SPON1: variants seen among roughly 807,000 people sequenced by gnomAD.
SPON1 encodes spondin-1.
SPON1 carries 52 observed loss-of-function variants against 111.7 expected under a neutral mutation model. The ratio of observed to expected loss-of-function variants is 0.47; its 90% confidence interval spans 0.37 to 0.59. The LOEUF is 0.59. SPON1 is among the 20% of genes least tolerant of loss of function. The probability of loss-of-function intolerance (pLI) is 0.00; values close to 1 mark genes in which losing one functional copy is unlikely to be tolerated. For synonymous variants in SPON1, 410 were observed against 395.8 expected, an observed-to-expected ratio of 1.04 and a Z score of -0.43; for missense variants, 957 against 1,068.5, an observed-to-expected ratio of 0.90 and a Z score of 1.46.
At chr11:13,979,666 C>A (rs1249615827) in intron 1 of SPON1, among the ~76,000 whole-genome samples, 1 of 152,212 alleles carries the variant, frequency 6.6e-6, no homozygotes, top group Non-Finnish European at 1.5e-5. Context: ...CTGGACCTTT[C>A]ATCTTAGGCA....
chr11:14,209,707 T>C (rs1256162807), intron 6 of SPON1, among the ~76,000 whole-genome samples: 1 of 152,238 alleles, frequency 6.6e-6, no homozygotes, highest in Non-Finnish European at 1.5e-5. Context: ...TCATAAATAG[T>C]GCTGCAATAA....
rs950200017 is a variant in SPON1 at position 14,260,852 on chromosome 11, T to C, written c.1996+100T>C. On this transcript the variant is annotated intron_variant, in intron 14 of 15. Transcript: ENST00000576479. ...AATACTGCTAGATCCTAGAATAACA[T>C]GGTTTGCTGGGGAAGAGTTTGGGGT... 33 of 1,330,358 alleles carry C rather than the reference T, an allele frequency of 2.5e-5. No individual in the cohort carries two copies. The South Asian group carries it at 3.0e-4, about 12-fold the overall frequency. 82.4% of individuals were successfully genotyped at this position (1,330,358 alleles called of 1,614,324 possible).
rs560380019 is a variant in SPON1 at position 14,164,783 on chromosome 11, G to A, written c.825+29215G>A. Among the ~76,000 whole-genome samples, 526 of 152,230 alleles carry A rather than the reference G, an allele frequency of 3.5e-3. 1 individual carries two copies. The highest frequency in any genetic ancestry group is 0.012 in the African/African-American group (499 of 41,526). ...GCAGAGATTTTAAGGATAACTTGGT[G>A]GGTGGGGGGAAGCTAGTGAGCCAGG... On this transcript the variant is annotated intron_variant, in intron 6 of 15. Transcript: ENST00000576479.
chr11:13,984,439 G>A (rs1554910077), intron 2 of SPON1, among the ~76,000 whole-genome samples: 2 of 152,136 alleles, frequency 1.3e-5, no homozygotes, highest in African/African-American at 4.8e-5. Flanking sequence ...TGCATCTTAT[G>A]AGGGCCTTCT....
chr11:14,244,246 C>T (rs1215509986), intron 7 of SPON1, among the ~76,000 whole-genome samples: 2 of 152,110 alleles, frequency 1.3e-5, no homozygotes, highest in South Asian at 2.1e-4. Flanking sequence ...ACCGGCCAGG[C>T]GCAGTGGCTT....
chr11:14,175,528 G>A (rs1848165396), intron 6 of SPON1, among the ~76,000 whole-genome samples: 2 of 152,110 alleles, frequency 1.3e-5, no homozygotes, highest in South Asian at 4.1e-4. Flanking sequence ...AACACAGAAA[G>A]ACAAATTCTT....
At chr11:13,990,984 T>C (rs1348381348) in intron 2 of SPON1, among the ~76,000 whole-genome samples, 1 of 152,156 alleles carries the variant, frequency 6.6e-6, no homozygotes, top group Non-Finnish European at 1.5e-5. Context: ...ACATGACCTT[T>C]CTCTCTGGCT....
At chr11:14,250,439 C>A (rs1849041241) in intron 7 of SPON1, among the ~76,000 whole-genome samples, 1 of 151,112 alleles carries the variant, frequency 6.6e-6, no homozygotes, top group Admixed American at 6.6e-5. Context: ...CTTAGCCCAA[C>A]CCCACTTGTC....
chr11:14,079,293 A>G (rs1220280838), intron 4 of SPON1, among the ~76,000 whole-genome samples: 1 of 152,206 alleles, frequency 6.6e-6, no homozygotes, highest in Non-Finnish European at 1.5e-5. Flanking sequence ...ACCTGAGCTT[A>G]TGAACACATT....
At chr11:14,053,434 C>T (rs1433561546) in intron 3 of SPON1, among the ~76,000 whole-genome samples, 1 of 152,076 alleles carries the variant, frequency 6.6e-6, no homozygotes, top group Non-Finnish European at 1.5e-5. Context: ...TTTCACTTAA[C>T]ATAATGTTTT....
intron 6 of SPON1, among the ~76,000 whole-genome samples, chr11:14,161,067 CTATAATTTT>C (rs1326577903): frequency 7.7e-4 from 12 of 15,608 alleles, no homozygotes; most frequent in South Asian, 1.7e-3. Context: ...TTATATATAT[CTATAATTTT>C]TATATATTTA....
intron 3 of SPON1, among the ~76,000 whole-genome samples, chr11:14,057,248 A>C (rs544876232): frequency 6.6e-6 from 1 of 152,320 alleles, no homozygotes; most frequent in South Asian, 2.1e-4. Context: ...TGAGAAGAAA[A>C]CGACACAGTG....
intron 6 of SPON1, among the ~76,000 whole-genome samples, chr11:14,206,506 G>A (rs1848518588): frequency 6.6e-6 from 1 of 152,080 alleles, no homozygotes; most frequent in South Asian, 2.1e-4. Context: ...ATTTATTTAG[G>A]TCTTCTGTTA....
intron 3 of SPON1, among the ~76,000 whole-genome samples, chr11:14,066,670 G>C (rs1479868975): frequency 6.6e-6 from 1 of 152,140 alleles, no homozygotes; most frequent in Non-Finnish European, 1.5e-5. Flanking sequence ...TCCCTTGCTT[G>C]TGTTTTCCTG....
chr11:14,136,799 C>A (rs1847597586), intron 6 of SPON1, among the ~76,000 whole-genome samples: 1 of 152,190 alleles, frequency 6.6e-6, no homozygotes, highest in Non-Finnish European at 1.5e-5. Context: ...CCAAGATGAG[C>A]TATCTAACTA....
intron 2 of SPON1, among the ~76,000 whole-genome samples, chr11:14,003,834 A>G (rs965090632): frequency 7.2e-5 from 11 of 152,134 alleles, no homozygotes. Context: ...AAAATCCGTA[A>G]TACAATTTTT....
At chr11:14,210,817 A>G (rs868955902) in intron 6 of SPON1, among the ~76,000 whole-genome samples, 11 of 152,340 alleles carry the variant, frequency 7.2e-5, no homozygotes, top group East Asian at 1.9e-4. Flanking sequence ...AGTTTTCTGC[A>G]TATGGCTAGC....
At chr11:14,198,780 G>A (rs571264745) in intron 6 of SPON1, among the ~76,000 whole-genome samples, 165 of 152,312 alleles carry the variant, frequency 1.1e-3, no homozygotes, top group Non-Finnish European at 2.0e-3. Flanking sequence ...ATGTAACTTT[G>A]TATAAACAAA....
chr11:14,137,435 T>C (rs1384716888), intron 6 of SPON1, among the ~76,000 whole-genome samples: 3 of 152,150 alleles, frequency 2.0e-5, no homozygotes, highest in Non-Finnish European at 2.9e-5. Context: ...GTACCGCACA[T>C]GGGAATGAAC....
Sources: gnomAD v4.1 joint callset for allele counts (sites outside exome capture counted in the v4.1 genomes callset) on GRCh38, gnomAD v4.1.1 for gene constraint, MANE v1.5 for transcripts, NCBI Gene and HGNC (gene_info 2026-07-23, HGNC 2026-07-21) for gene names.